The following POLA1 variants were observed in gnomAD, a reference collection of about 807,000 sequenced individuals.
POLA1 encodes the protein DNA polymerase alpha catalytic subunit.
Under a neutral mutation model 124.0 loss-of-function variants are expected in POLA1, and 15 were observed. The ratio of observed to expected loss-of-function variants is 0.12; its 90% CI spans 0.08 to 0.19. The LOEUF (loss-of-function observed/expected upper bound fraction) is 0.19, where lower values mean the gene tolerates loss of function less well. POLA1 is among the 10% of genes least tolerant of loss of function. The pLI is 1.00. For synonymous variants in POLA1, 408 were observed against 389.4 expected, an observed-to-expected ratio of 1.05 and a Z score of -0.56; for missense variants, 886 against 1,103.4, an observed-to-expected ratio of 0.80 and a Z score of 2.79.
intron 36 of POLA1, among the ~76,000 whole-genome samples, chrX:24,982,882 A>G (rs1209285729): frequency 9.0e-6 from 1 of 111,406 alleles, no homozygotes; most frequent in African/African-American, 3.3e-5. Context: ...TAGATGGGCT[A>G]TTTTGAGAGT....
chrX:24,846,476 T>A (rs975505952), intron 34 of POLA1, among the ~76,000 whole-genome samples: 1 of 112,001 alleles, frequency 8.9e-6, no homozygotes, highest in African/African-American at 3.2e-5. Context: ...GCCCTGGTCC[T>A]TGTTGGTTCC....
intron 26 of POLA1, among the ~76,000 whole-genome samples, chrX:24,801,225 C>G (rs954934368): frequency 9.0e-6 from 1 of 111,598 alleles, no homozygotes; most frequent in Non-Finnish European, 1.9e-5. Context: ...CTCTTCATTT[C>G]TTGCATGGAA....
intron 36 of POLA1, among the ~76,000 whole-genome samples, chrX:24,949,763 C>T (rs1448339500): frequency 9.9e-6 from 1 of 100,724 alleles, no homozygotes; most frequent in Non-Finnish European, 2.0e-5. Context: ...AAGACAGAGT[C>T]TCGCTCTTTT....
chrX:24,821,579 G>A lies in POLA1; in HGVS notation c.3557G>A (p.Cys1186Tyr). Reference protein sequence around the residue: ...KAGDTVSYVICQDGSNLTASQ... With the variant: ...KAGDTVSYVIYQDGSNLTASQ... ...GGAGATACTGTGTCATATGTCATCT[G>A]TCAGGTAAACTATTGACATTCGTAA... The change falls in exon 31 of 37, where the codon TGT becomes TAT. Residue 1186 changes from cysteine to tyrosine, a missense_variant. Physicochemically the swap from Cys to Tyr is radical, Grantham distance 194. Around this residue, in one of 7 missense-constraint regions of POLA1, gnomAD observed 313 missense variants for 359.7 expected, o/e 0.87. Coordinates refer to ENST00000379068, the MANE Select transcript of POLA1 (RefSeq NM_001330360.2). 8.4e-7 allele frequency: 1 copy of A among 1,196,807 alleles called. No individual in the cohort carries two copies.
chrX:24,941,174 T>C (rs767243201), intron 36 of POLA1, among the ~76,000 whole-genome samples: 4 of 111,977 alleles, frequency 3.6e-5, no homozygotes, highest in African/African-American at 1.3e-4. Flanking sequence ...CCTCTCACGT[T>C]TCCTCTTAAT....
chrX:24,755,562 G>C (rs1024169843), intron 26 of POLA1, among the ~76,000 whole-genome samples: 3 of 111,710 alleles, frequency 2.7e-5, no homozygotes, highest in Non-Finnish European at 5.7e-5. Context: ...AGTATTCTTA[G>C]GTATTCAAAA....
At chrX:24,751,277 A>G (rs1009580322) in intron 26 of POLA1, among the ~76,000 whole-genome samples, 7 of 111,647 alleles carry the variant, frequency 6.3e-5, no homozygotes, top group Non-Finnish European at 1.3e-4. Flanking sequence ...TTGTCCAATG[A>G]TCTCCCCCAC....
chrX:24,741,954 T>TA (rs773284943), intron 21 of POLA1, 48 bp from the exon 22 acceptor site: 9 of 1,126,906 alleles, frequency 8.0e-6, no homozygotes, highest in Admixed American at 5.4e-5. Flanking sequence ...TTGCTTTTGT[T>TA]AGTTGTGGTT....
At position 24,841,644 on chromosome X, in the gene POLA1, A is replaced by G; in HGVS notation, c.3737-8A>G. 1 of 1,097,149 alleles carries G rather than the reference A, an allele frequency of 9.1e-7. No individual in the cohort carries two copies. Among genetic ancestry groups the G allele is most frequent in the Non-Finnish European group, 1.2e-6 (1 of 823,730 alleles). 90.4% of individuals were successfully genotyped at this position (1,097,149 alleles called of 1,213,427 possible). A position where few individuals can be genotyped will look rare whatever the true frequency, so the allele number is the denominator to read the frequency against. Reference sequence around the variant, plus strand: ...TTCTGAATTTGTTTTTTTCTTTTACATTAATAGGACTTGACCCCACCCAAT... The same window carrying G: ...TTCTGAATTTGTTTTTTTCTTTTACGTTAATAGGACTTGACCCCACCCAAT... On this transcript the variant is annotated splice_region_variant and splice_polypyrimidine_tract_variant and intron_variant, in intron 32 of 36. Transcript: ENST00000379068.
At chrX:24,995,485 G>T (rs1299702227) in intron 36 of POLA1, among the ~76,000 whole-genome samples, 1 of 111,951 alleles carries the variant, frequency 8.9e-6, no homozygotes, top group African/African-American at 3.2e-5. Context: ...CGCAGCGCCG[G>T]TGAAAGTGGC....
At chrX:24,710,108 C>T (rs951365085) in intron 4 of POLA1, among the ~76,000 whole-genome samples, 10 of 79,856 alleles carry the variant, frequency 1.3e-4, no homozygotes, top group Non-Finnish European at 1.7e-4. Flanking sequence ...GGGCGGCGCT[C>T]GCCGGCGCCT....
chrX:24,927,326 A>G (rs1354630857), intron 35 of POLA1, among the ~76,000 whole-genome samples: 1 of 111,748 alleles, frequency 8.9e-6, no homozygotes, highest in African/African-American at 3.3e-5. Flanking sequence ...TTCTAATATA[A>G]TCTGATTACA....
intron 36 of POLA1, among the ~76,000 whole-genome samples, chrX:24,943,434 C>CA (rs765417369): frequency 4.4e-5 from 5 of 112,538 alleles, no homozygotes; most frequent in Non-Finnish European, 9.4e-5. Flanking sequence ...AAAGTTTAAA[C>CA]ATGTAAGACC....
At chrX:24,748,555 C>T (rs1932151162) in intron 25 of POLA1, 95 bp downstream of exon 25, 7 of 761,796 alleles carry the variant, frequency 9.2e-6, no homozygotes. Context: ...ATTGCAGGTA[C>T]TTATTTTAAG....
chrX:24,993,312 G>A (rs1362244089), intron 36 of POLA1, among the ~76,000 whole-genome samples: 1 of 112,148 alleles, frequency 8.9e-6, no homozygotes, highest in Non-Finnish European at 1.9e-5. Context: ...CAGTTACCAG[G>A]GCCAGTGGCA....
intron 36 of POLA1, among the ~76,000 whole-genome samples, chrX:24,969,405 C>T (rs2048271757): frequency 9.1e-6 from 1 of 110,266 alleles, no homozygotes; most frequent in African/African-American, 3.3e-5. Flanking sequence ...GAAAGCACCC[C>T]TAATGATAGA....
At chrX:24,974,249 T>G (rs6628044) in intron 36 of POLA1, among the ~76,000 whole-genome samples, 1 of 110,777 alleles carries the variant, frequency 9.0e-6, no homozygotes, top group African/African-American at 3.3e-5. Context: ...TTGTCACAAG[T>G]TGGGGAGAAG....
chrX:24,924,859 G>A (rs1030133650), intron 35 of POLA1, among the ~76,000 whole-genome samples: 10 of 111,468 alleles, frequency 9.0e-5, no homozygotes, highest in East Asian at 8.5e-4. Context: ...TAAGGGTGGC[G>A]TGGGTATATG....
At chrX:24,778,632 A>G (rs371085692) in intron 26 of POLA1, among the ~76,000 whole-genome samples, 20 of 112,207 alleles carry the variant, frequency 1.8e-4, no homozygotes, top group South Asian at 7.5e-4. Context: ...TCTGACTTTA[A>G]TCTAGCTAAT....
Sources: gnomAD v4.1 joint callset for allele counts (sites outside exome capture counted in the v4.1 genomes callset) on GRCh38, gnomAD v4.1.1 for gene constraint, gnomAD v4.1.1 regional missense constraint, MANE v1.5 for transcripts, NCBI Gene and HGNC (gene_info 2026-07-23, HGNC 2026-07-21) for gene names.